Variants in SLC1A1 observed in about 807,000 individuals in gnomAD.
The protein encoded by SLC1A1 is excitatory amino acid transporter 3.
In SLC1A1, 43 loss-of-function variants were observed where a neutral mutation model predicts 53.3. That is an observed-to-expected ratio of 0.81 (90% CI 0.63 to 1.04). The LOEUF is 1.04. SLC1A1 is among the 50% of genes least tolerant of loss of function. The pLI, the probability that SLC1A1 is intolerant of heterozygous loss-of-function variation, is 0.00. For synonymous variants in SLC1A1, 307 were observed against 243.2 expected (o/e 1.26, Z -2.44); for missense variants, 748 against 664.9 (o/e 1.12, Z -1.37).
At chr9:4,575,262 C>T (rs1013326724) in intron 8 of SLC1A1, among the ~76,000 whole-genome samples, 3 of 152,172 alleles carry the variant, frequency 2.0e-5, no homozygotes, top group Non-Finnish European at 4.4e-5. Flanking sequence ...TCTAAGCTGC[C>T]AGTTACATAT....
intron 1 of SLC1A1, among the ~76,000 whole-genome samples, chr9:4,508,590 C>T (rs1820887243): frequency 2.0e-5 from 3 of 152,196 alleles, no homozygotes; most frequent in Non-Finnish European, 4.4e-5. Flanking sequence ...GAGAACATCT[C>T]ACAAGTCAGG....
Position 4,537,284 on chromosome 9 carries a change from G to T in SLC1A1, c.92-7283G>T, listed in dbSNP as rs898993154. Among the ~76,000 whole-genome samples, 7 of 38,130 alleles carry T rather than the reference G, an allele frequency of 1.8e-4. 2 individuals carry two copies. The highest frequency in any genetic ancestry group is 3.2e-4 in the African/African-American group (3 of 9,480). 25.0% of individuals were successfully genotyped at this position (38,130 alleles called of 152,430 possible). On this transcript the variant is annotated intron_variant, in intron 1 of 11. Transcript: ENST00000262352. ...TTTTAAAAAAATCACATGCGGCCGG[G>T]CGCGGTGGCTCACGCCTGTAATCCC... is the stretch of plus-strand genomic sequence containing the variant.
At chr9:4,565,948 G>A (rs569617321) in intron 4 of SLC1A1, 99 bp from the exon 5 acceptor site, 15 of 915,380 alleles carry the variant, frequency 1.6e-5, no homozygotes, top group Non-Finnish European at 2.8e-5. Context: ...AGAAACCAGA[G>A]TACTAGTTTT....
At chr9:4,519,444 A>G (rs1040016495) in intron 1 of SLC1A1, among the ~76,000 whole-genome samples, 8 of 152,236 alleles carry the variant, frequency 5.3e-5, no homozygotes, top group African/African-American at 1.4e-4. Context: ...GTAGAAATGG[A>G]ATTAGAATCC....
At chr9:4,513,007 C>T (rs1032788655) in intron 1 of SLC1A1, among the ~76,000 whole-genome samples, 1 of 151,872 alleles carries the variant, frequency 6.6e-6, no homozygotes, top group Admixed American at 6.6e-5. Context: ...GGTATTGGAA[C>T]AACTAGACAT....
At position 4,585,535 on chromosome 9, in the gene SLC1A1, T is replaced by C; in HGVS notation, c.1552T>C (p.Phe518Leu). 6.2e-7 allele frequency: 1 copy of C among 1,614,198 alleles called. No homozygotes were observed. Among genetic ancestry groups the C allele is most frequent in the South Asian group, 1.1e-5 (1 of 91,080 alleles). The change falls in exon 12 of 12, where the codon TTC becomes CTC. Residue 518 changes from phenylalanine (F) to leucine (L), a missense_variant. By Grantham distance (22) the Phe-to-Leu change is conservative. Coordinates refer to ENST00000262352, the MANE Select transcript of SLC1A1 (RefSeq NM_004170.6). Reference protein sequence around the residue: ...FAVDKSDTISFTQTSQF With the variant: ...FAVDKSDTISLTQTSQF ...AGTAGACAAGTCTGACACCATCTCA[T>C]TCACCCAGACCTCACAGTTCTAGGG... is the stretch of plus-strand genomic sequence containing the variant.
At chr9:4,538,931 G>C (rs959927429) in intron 1 of SLC1A1, among the ~76,000 whole-genome samples, 33 of 152,196 alleles carry the variant, frequency 2.2e-4, no homozygotes, top group African/African-American at 8.0e-4. Flanking sequence ...TCTTAGATTA[G>C]CTCCCAAAGG....
chr9:4,512,983 T>G (rs938919224), intron 1 of SLC1A1, among the ~76,000 whole-genome samples: 1 of 152,066 alleles, frequency 6.6e-6, no homozygotes, highest in Non-Finnish European at 1.5e-5. Context: ...CAAAGGATAG[T>G]CTTTCCAACA....
intron 2 of SLC1A1, among the ~76,000 whole-genome samples, chr9:4,555,246 T>C (rs547094393): frequency 1.3e-5 from 2 of 152,320 alleles, no homozygotes; most frequent in South Asian, 2.1e-4. Flanking sequence ...GTTTCTTGGA[T>C]GTGGTGTCCA....
At chr9:4,531,539 A>T (rs886429251) in intron 1 of SLC1A1, among the ~76,000 whole-genome samples, 4 of 152,174 alleles carry the variant, frequency 2.6e-5, no homozygotes, top group African/African-American at 9.7e-5. Flanking sequence ...AGGCTTGAGT[A>T]GGTAAACAAA....
chr9:4,500,132 G>A (rs1403814819), intron 1 of SLC1A1, among the ~76,000 whole-genome samples: 1 of 152,146 alleles, frequency 6.6e-6, no homozygotes, highest in Non-Finnish European at 1.5e-5. Flanking sequence ...GGGAAGCTGT[G>A]TTCGCCTGAG....
In SLC1A1 at chr9:4,544,659, A is replaced by G. The variant is rs1428902318; in HGVS notation, c.184A>G (p.Met62Val). 6.2e-7 allele frequency: 1 copy of G among 1,613,780 alleles called. No individual in the cohort carries two copies. Among genetic ancestry groups the G allele is most frequent in the Admixed American group, 1.7e-5 (1 of 60,026 alleles). Residue 62 changes from methionine to valine, a missense_variant, in exon 2 of 12, where the codon ATG becomes GTG. Transcript: ENST00000262352. ...FAFPGEILMR[M>V]LKLIILPLII... ...TTTTCCTGGAGAAATTCTAATGCGG[A>G]TGCTGAAACTCATCATTTTGCCATT...
At position 4,586,957 on chromosome 9, in the gene SLC1A1, T is replaced by C. The variant is rs1821613219; in HGVS notation, c.*1399T>C. The C allele has an allele frequency of 6.6e-6, 1 of 152,626 alleles. No homozygotes were observed. The highest frequency in any genetic ancestry group is 1.5e-5 in the Non-Finnish European group (1 of 68,038). The allele number at this position is 152,626 out of a possible 1,614,324, so 9.5% of individuals were successfully genotyped here. A position where few individuals can be genotyped will look rare whatever the true frequency, so the allele number is the denominator to read the frequency against. ...TAGTTTATTATAGTCTGTACTTCAG[T>C]TCTCATCTTGTAAATAATGCTTAAC... On this transcript the variant is annotated 3_prime_UTR_variant, in exon 12 of 12. Transcript: ENST00000262352.
At chr9:4,507,333 G>A (rs533960273) in intron 1 of SLC1A1, among the ~76,000 whole-genome samples, 40 of 152,082 alleles carry the variant, frequency 2.6e-4, no homozygotes, top group African/African-American at 9.6e-4. Context: ...TTGGTCTCTG[G>A]TGGTCATCCC....
Position 4,564,410 on chromosome 9 carries a change from G to C in SLC1A1, c.392G>C (p.Gly131Ala), listed in dbSNP as rs1457499993. ...AAAGTGGGTGAAATTGCGAGGACAG[G>C]CAGCACCCCTGAAGTCAGTACGGTG... is the stretch of plus-strand genomic sequence containing the variant. ...TQKVGEIART[G>A]STPEVSTVDA... The change falls in exon 4 of 12, where the codon GGC becomes GCC. Residue 131 changes from glycine (G) to alanine (A), a missense_variant. By Grantham distance (60) the Gly-to-Ala change is moderately conservative. Transcript: ENST00000262352. 1 of 1,613,882 alleles carries C rather than the reference G, an allele frequency of 6.2e-7. No homozygotes were observed. Among genetic ancestry groups the C allele is most frequent in the Non-Finnish European group, 8.5e-7 (1 of 1,179,906 alleles).
chr9:4,526,768 G>A (rs995854104), intron 1 of SLC1A1, among the ~76,000 whole-genome samples: 1 of 152,020 alleles, frequency 6.6e-6, no homozygotes. Context: ...TTTTACTCAT[G>A]TGGTTTGGTT....
chr9:4,514,759 G>C (rs1167602688), intron 1 of SLC1A1, among the ~76,000 whole-genome samples: 1 of 152,134 alleles, frequency 6.6e-6, no homozygotes, highest in East Asian at 1.9e-4. Context: ...ATCCTGGAAA[G>C]ATAGCTCTGA....
Position 4,586,296 on chromosome 9 carries a change from TAA to T in SLC1A1, c.*740_*741del, listed in dbSNP as rs1821570887. 1 of 152,140 alleles carries T rather than the reference TAA, an allele frequency of 6.6e-6. No individual in the cohort carries two copies. Among genetic ancestry groups the T allele is most frequent in the Non-Finnish European group, 1.5e-5 (1 of 68,026 alleles). The allele number at this position is 152,140 out of a possible 1,614,324, so 9.4% of individuals were successfully genotyped here. Reference sequence around the variant, plus strand: ...TCAGAATTGAACCGTCAATGTGAAATAAAGAGTTCTCCTTGTACTTGAATAAT... The same window carrying T: ...TCAGAATTGAACCGTCAATGTGAAATAGAGTTCTCCTTGTACTTGAATAAT... On this transcript the variant is annotated 3_prime_UTR_variant, in exon 12 of 12. Transcript: ENST00000262352.
At chr9:4,512,936 T>C (rs534262490) in intron 1 of SLC1A1, among the ~76,000 whole-genome samples, 30 of 152,202 alleles carry the variant, frequency 2.0e-4, no homozygotes, top group African/African-American at 6.7e-4. Flanking sequence ...GGCCCTCCAA[T>C]TGATTTTTGA....
Sources: allele counts gnomAD v4.1 joint callset (sites outside exome capture counted in the v4.1 genomes callset), GRCh38; gene constraint gnomAD v4.1.1; transcripts MANE v1.5; gene names NCBI Gene and HGNC (gene_info 2026-07-23, HGNC 2026-07-21).